RABL3: variants seen among roughly 807,000 people sequenced by gnomAD.
The protein encoded by RABL3 is rab-like protein 3.
A neutral mutation model predicts 31.8 loss-of-function variants in RABL3; 31 were observed. The observed-to-expected ratio is 0.97, with a 90% CI of 0.73 to 1.31. RABL3 has a LOEUF of 1.31. RABL3 is among the 40% of genes most tolerant of loss of function. The pLI, the probability that RABL3 is intolerant of heterozygous loss-of-function variation, is 0.00. For synonymous variants in RABL3, 97 were observed against 99.9 expected (o/e 0.97, Z 0.18); for missense variants, 263 against 279.6 (o/e 0.94, Z 0.42).
chr3:120,705,595 G>A (rs753484066), intron 4 of RABL3, among the ~76,000 whole-genome samples: 2 of 152,116 alleles, frequency 1.3e-5, no homozygotes, highest in African/African-American at 2.4e-5. Context: ...ATATGCAAAC[G>A]TTAACCTCAA....
chr3:120,727,075 A>T (rs1708830643), intron 2 of RABL3, among the ~76,000 whole-genome samples: 1 of 152,148 alleles, frequency 6.6e-6, no homozygotes, highest in African/African-American at 2.4e-5. Context: ...TCTAAAAAAA[A>T]GTCTGAAAAA....
intron 4 of RABL3, among the ~76,000 whole-genome samples, chr3:120,698,794 T>G (rs575751071): frequency 6.6e-6 from 1 of 152,330 alleles, no homozygotes; most frequent in Admixed American, 6.5e-5. Context: ...TTCTCAAAAT[T>G]TGGTCCCATG....
chr3:120,686,427 C>G lies in RABL3; in HGVS notation c.*3396G>C, dbSNP rs888405449. Among the ~76,000 whole-genome samples, 1 of 152,146 alleles carries G rather than the reference C, an allele frequency of 6.6e-6. No individual in the cohort carries two copies. Among genetic ancestry groups the G allele is most frequent in the Non-Finnish European group, 1.5e-5 (1 of 68,048 alleles). On this transcript the variant is annotated 3_prime_UTR_variant, in exon 8 of 8. Coordinates refer to ENST00000273375, the MANE Select transcript of RABL3 (RefSeq NM_173825.5). ...TGATTACAAGGAGCAATTAGGAGCT[C>G]TTCACCTCAGTCTGATGTCCCTGCA...
intron 2 of RABL3, among the ~76,000 whole-genome samples, chr3:120,713,617 G>T (rs1708635473): frequency 1.3e-5 from 2 of 152,060 alleles, no homozygotes; most frequent in South Asian, 4.1e-4. Flanking sequence ...ATACAATAAA[G>T]GATTTTCTTA....
chr3:120,701,401 TTATC>T (rs1708489961), intron 4 of RABL3, among the ~76,000 whole-genome samples: 1 of 152,180 alleles, frequency 6.6e-6, no homozygotes, highest in Non-Finnish European at 1.5e-5. Flanking sequence ...ATTTGCAGGT[TTATC>T]TATAGAATCA....
chr3:120,702,092 G>T (rs72962641), intron 4 of RABL3, among the ~76,000 whole-genome samples: 9,299 of 152,198 alleles, frequency 0.061, 912 homozygotes, highest in African/African-American at 0.21. Flanking sequence ...GGGGACACAC[G>T]AATACTTGGA....
At chr3:120,740,708 G>A (rs1188410825) in intron 1 of RABL3, among the ~76,000 whole-genome samples, 2 of 152,096 alleles carry the variant, frequency 1.3e-5, no homozygotes, top group Admixed American at 6.5e-5. Context: ...CTTTTAAATC[G>A]CAGTTAAAAG....
chr3:120,726,347 C>T (rs567392525), intron 2 of RABL3, among the ~76,000 whole-genome samples: 27 of 152,182 alleles, frequency 1.8e-4, no homozygotes, highest in South Asian at 1.2e-3. Context: ...GTTTAGGGCC[C>T]GGCATGGTGG....
intron 5 of RABL3, among the ~76,000 whole-genome samples, chr3:120,697,608 T>C (rs113964754): frequency 0.061 from 9,287 of 152,194 alleles, 908 homozygotes; most frequent in African/African-American, 0.21. Flanking sequence ...TTAGCTTTTT[T>C]ACGCGCTCAG....
Position 120,687,659 on chromosome 3 carries a change from T to G in RABL3, c.*2164A>C, listed in dbSNP as rs1193355296. 2.0e-5 allele frequency: 3 copies of G among 152,142 alleles called. No homozygotes were observed. The highest frequency in any genetic ancestry group is 7.2e-5 in the African/African-American group (3 of 41,444). The allele number at this position is 152,142 out of a possible 1,614,324, so 9.4% of individuals were successfully genotyped here. ...TTAGATTATTAAAAACTATTTTTTCTTAGAAAACTATAATTCAAGGAATCA... is the reference window on the plus strand; with the variant it reads ...TTAGATTATTAAAAACTATTTTTTCGTAGAAAACTATAATTCAAGGAATCA... On this transcript the variant is annotated 3_prime_UTR_variant, in exon 8 of 8. Transcript: ENST00000273375.
At chr3:120,719,473 C>T (rs1021335232) in intron 2 of RABL3, among the ~76,000 whole-genome samples, 1 of 152,226 alleles carries the variant, frequency 6.6e-6, no homozygotes, top group African/African-American at 2.4e-5. Context: ...TGACAGATGG[C>T]ACCTGGAAAA....
intron 3 of RABL3, among the ~76,000 whole-genome samples, chr3:120,707,846 A>C (rs565721818): frequency 6.6e-6 from 1 of 152,050 alleles, no homozygotes; most frequent in South Asian, 2.1e-4. Flanking sequence ...TTTCTCTTTC[A>C]TTTGGGCTGA....
intron 1 of RABL3, among the ~76,000 whole-genome samples, chr3:120,732,355 G>A (rs1708894082): frequency 6.6e-6 from 1 of 151,962 alleles, no homozygotes. Context: ...ACTATTCTCT[G>A]GGCCTCCACT....
chr3:120,725,812 G>A (rs1033062292), intron 2 of RABL3, among the ~76,000 whole-genome samples: 6 of 152,068 alleles, frequency 3.9e-5, no homozygotes, highest in Non-Finnish European at 7.4e-5. Flanking sequence ...AGGAGGGAGC[G>A]GGGAGGGATA....
intron 2 of RABL3, among the ~76,000 whole-genome samples, chr3:120,726,406 C>G (rs1474725960): frequency 6.6e-6 from 1 of 152,132 alleles, no homozygotes; most frequent in East Asian, 1.9e-4. Context: ...TGCAGGATTG[C>G]TTGAGCCTAG....
chr3:120,695,106 A>G (rs1464747405), intron 5 of RABL3, among the ~76,000 whole-genome samples: 1 of 152,042 alleles, frequency 6.6e-6, no homozygotes, highest in Non-Finnish European at 1.5e-5. Context: ...TCTTTTAGCT[A>G]TAGACCCTCT....
At chr3:120,707,678 A>G (rs1187580641) in intron 3 of RABL3, among the ~76,000 whole-genome samples, 1 of 152,086 alleles carries the variant, frequency 6.6e-6, no homozygotes, top group African/African-American at 2.4e-5. Flanking sequence ...CCCAGGCTAT[A>G]AATATGGCAA....
At chr3:120,706,207 G>A in intron 3 of RABL3, 93 bp from the exon 4 acceptor site, 1 of 744,074 alleles carries the variant, frequency 1.3e-6, no homozygotes, top group South Asian at 1.6e-5. Flanking sequence ...GAAGCATTAG[G>A]TTGCTTAATG....
chr3:120,730,956 C>T (rs368715343), intron 1 of RABL3, among the ~76,000 whole-genome samples, 169 bp from the exon 2 acceptor site: 5 of 152,180 alleles, frequency 3.3e-5, no homozygotes, highest in Non-Finnish European at 4.4e-5. Context: ...TAGAGGGCAG[C>T]GGTTCTCTCA....
Sources: allele counts gnomAD v4.1 joint callset (sites outside exome capture counted in the v4.1 genomes callset), GRCh38; gene constraint gnomAD v4.1.1; transcripts MANE v1.5; gene names NCBI Gene and HGNC (gene_info 2026-07-23, HGNC 2026-07-21).